PCDHGA5: variants seen among roughly 807,000 people sequenced by gnomAD.
PCDHGA5 encodes the protein protocadherin gamma subfamily A, 5.
PCDHGA5 carries 36 observed loss-of-function variants against 56.7 expected under a neutral mutation model. The observed-to-expected ratio is 0.64, with a 90% CI of 0.49 to 0.84. PCDHGA5 has a LOEUF of 0.84. Among genes scored for constraint, PCDHGA5 ranks in the 40% least tolerant of loss-of-function variants. The probability of loss-of-function intolerance (pLI) is 0.00; values close to 1 mark genes in which losing one functional copy is unlikely to be tolerated. For synonymous variants in PCDHGA5, 563 were observed against 520.2 expected (o/e 1.08, Z -1.12); for missense variants, 1,305 against 1,201.5 (o/e 1.09, Z -1.27).
chr5:141,426,958 C>A (rs1176636556), intron 1 of PCDHGA5: 1 of 456,728 alleles, frequency 2.2e-6, no homozygotes, highest in South Asian at 1.5e-5. Context: ...GGCACTGCTG[C>A]AATTCAAATT....
rs201139834 is a variant in PCDHGA5 at position 141,371,333 on chromosome 5, T to G, written c.2421+4582T>G. ...GAGAACTGGACTTTGAAGAGAGAGA[T>G]AGCTACACAATTGGGGTGGAAGCAA... On this transcript the variant is annotated intron_variant, in intron 1 of 3. Transcript: ENST00000518069. 80 of 1,613,850 alleles carry G rather than the reference T, an allele frequency of 5.0e-5. No homozygotes were observed. The East Asian group carries it at 1.7e-3, about 34-fold the overall frequency.
At position 141,485,614 on chromosome 5, in the gene PCDHGA5, T is replaced by G; in HGVS notation, c.2422-9193T>G. 1 of 1,612,236 alleles carries G rather than the reference T, an allele frequency of 6.2e-7. No individual in the cohort carries two copies. Among genetic ancestry groups the G allele is most frequent in the Non-Finnish European group, 8.5e-7 (1 of 1,178,686 alleles). On this transcript the variant is annotated intron_variant, in intron 1 of 3. Transcript: ENST00000518069. The surrounding 1 kb of genome is among the most constrained non-coding windows in gnomAD (Gnocchi z 5.7). ...ACTTGGAAATTGGGGAGGCAGCTCC[T>G]CCAGGACAGCGTTTCCCGTTGGAAA...
chr5:141,375,013 G>C, intron 1 of PCDHGA5: 2 of 1,614,004 alleles, frequency 1.2e-6, no homozygotes, highest in Non-Finnish European at 1.7e-6. Flanking sequence ...TAGACTATGA[G>C]GACTCGAGTT....
chr5:141,421,926 C>T, intron 1 of PCDHGA5: 1 of 1,613,460 alleles, frequency 6.2e-7, no homozygotes, highest in Non-Finnish European at 8.5e-7. Context: ...GTGTGGTGGT[C>T]CTCGATGTAA....
chr5:141,505,592 A>T, intron 3 of PCDHGA5, 111 bp downstream of exon 3: 2 of 1,567,266 alleles, frequency 1.3e-6, no homozygotes, highest in Admixed American at 3.6e-5. Flanking sequence ...GTTTCTCCAG[A>T]TCTTTCGGCA....
chr5:141,478,143 A>T (rs759384540), intron 1 of PCDHGA5: 1 of 1,614,014 alleles, frequency 6.2e-7, no homozygotes, highest in Non-Finnish European at 8.5e-7. Flanking sequence ...GCCCGAGCCG[A>T]GTTCCCCTCT....
intron 1 of PCDHGA5, chr5:141,395,398 T>C (rs976008795): frequency 1.2e-6 from 1 of 863,780 alleles, no homozygotes; most frequent in East Asian, 2.8e-5. Context: ...TGAACTCTAA[T>C]AGTCATAGGT....
chr5:141,421,530 C>T (rs377652360), intron 1 of PCDHGA5: 274 of 1,613,922 alleles, frequency 1.7e-4, no homozygotes, highest in Non-Finnish European at 2.3e-4. Flanking sequence ...AGACGGTGTC[C>T]TCCTGTTTTT....
At chr5:141,398,372 G>C in intron 1 of PCDHGA5, 1 of 1,437,202 alleles carries the variant, frequency 7.0e-7, no homozygotes, top group Non-Finnish European at 9.7e-7. Context: ...GCAGAGAGCG[G>C]GGAGTTGCTT....
At chr5:141,404,436 C>A in intron 1 of PCDHGA5, 1 of 1,612,704 alleles carries the variant, frequency 6.2e-7, no homozygotes, top group Non-Finnish European at 8.5e-7. Flanking sequence ...GCAGAGGATA[C>A]CATCCAAGGG....
At chr5:141,422,899 G>C (rs759972749) in intron 1 of PCDHGA5, 13 of 1,614,116 alleles carry the variant, frequency 8.1e-6, no homozygotes, top group Middle Eastern at 3.3e-4. Context: ...GGACCAGAAC[G>C]ACAATGCGCC....
intron 1 of PCDHGA5, among the ~76,000 whole-genome samples, chr5:141,435,710 C>T (rs1033703743): frequency 1.3e-5 from 2 of 152,148 alleles, no homozygotes; most frequent in Admixed American, 6.5e-5. Flanking sequence ...TGGTTACAGA[C>T]ACTGAATGCT....
intron 1 of PCDHGA5, among the ~76,000 whole-genome samples, chr5:141,480,866 G>A (rs1329444129): frequency 6.6e-6 from 1 of 152,142 alleles, no homozygotes; most frequent in Non-Finnish European, 1.5e-5. Flanking sequence ...CCAATATGGT[G>A]AAACCCCGTC....
chr5:141,408,048 G>C, intron 1 of PCDHGA5: 1 of 1,245,698 alleles, frequency 8.0e-7, no homozygotes, highest in Non-Finnish European at 1.1e-6. Context: ...CTCCCACACA[G>C]AGCCTCCCGG....
intron 1 of PCDHGA5, chr5:141,395,105 G>T: frequency 1.9e-6 from 3 of 1,614,220 alleles, no homozygotes; most frequent in Non-Finnish European, 2.5e-6. Context: ...CCGACTCGCG[G>T]AAGAGTCACC....
intron 1 of PCDHGA5, chr5:141,408,678 A>G (rs758302984): frequency 2.5e-6 from 4 of 1,613,862 alleles, no homozygotes; most frequent in African/African-American, 1.3e-5. Context: ...CCTGCCACGG[A>G]TCCTGATATA....
intron 1 of PCDHGA5, among the ~76,000 whole-genome samples, chr5:141,488,697 A>T (rs1337725245): frequency 6.6e-6 from 1 of 152,162 alleles, no homozygotes; most frequent in Non-Finnish European, 1.5e-5. Context: ...GAAGGACAAG[A>T]TTTTGCTGGT....
chr5:141,371,692 C>A (rs1172182153), intron 1 of PCDHGA5: 1 of 1,614,048 alleles, frequency 6.2e-7, no homozygotes, highest in South Asian at 1.1e-5. Flanking sequence ...CCACCGCTCT[C>A]CTCCAGCAAG....
intron 1 of PCDHGA5, chr5:141,478,354 C>T (rs141625672): frequency 1.2e-6 from 2 of 1,613,778 alleles, no homozygotes; most frequent in Non-Finnish European, 8.5e-7. Context: ...ACGCGGACGC[C>T]GTGCGGGGAG....
Sources: gnomAD v4.1 joint callset for allele counts (sites outside exome capture counted in the v4.1 genomes callset) on GRCh38, gnomAD v4.1.1 for gene constraint, Gnocchi (gnomAD v3.1) non-coding constraint, MANE v1.5 for transcripts, NCBI Gene and HGNC (gene_info 2026-07-23, HGNC 2026-07-21) for gene names.